The following LTBP1 variants were observed in gnomAD, a reference collection of about 807,000 sequenced individuals.
LTBP1 encodes latent-transforming growth factor beta-binding protein 1.
In LTBP1, 129 loss-of-function variants were observed where a neutral mutation model predicts 207.6. That is an observed-to-expected ratio of 0.62 (90% confidence interval 0.54 to 0.72). The LOEUF (loss-of-function observed/expected upper bound fraction) is 0.72. Ranked by LOEUF, LTBP1 falls within the 30% of genes least tolerant of loss-of-function variation. The pLI is 0.00. For synonymous variants in LTBP1, 963 were observed against 833.7 expected, an observed-to-expected ratio of 1.16 and a Z score of -2.67; for missense variants, 2,281 against 2,217.2, an observed-to-expected ratio of 1.03 and a Z score of -0.58.
At chr2:33,386,404 G>C (rs994449101) in intron 31 of LTBP1, among the ~76,000 whole-genome samples, 1 of 152,150 alleles carries the variant, frequency 6.6e-6, no homozygotes, top group Non-Finnish European at 1.5e-5. Context: ...TGGATTGAAG[G>C]TGGCTGCCCT....
intron 3 of LTBP1, among the ~76,000 whole-genome samples, chr2:33,058,321 G>A (rs2077106546): frequency 6.6e-6 from 1 of 152,052 alleles, no homozygotes; most frequent in South Asian, 2.1e-4. Context: ...TTGACTATAG[G>A]TTCTTAGAGG....
intron 26 of LTBP1, among the ~76,000 whole-genome samples, chr2:33,349,651 C>A (rs1272413233): frequency 6.6e-6 from 1 of 152,154 alleles, no homozygotes; most frequent in Non-Finnish European, 1.5e-5. Flanking sequence ...TAAATTTTTA[C>A]AGTTTTTCTC....
At chr2:33,132,965 G>C (rs943322695) in intron 4 of LTBP1, among the ~76,000 whole-genome samples, 1 of 152,184 alleles carries the variant, frequency 6.6e-6, no homozygotes, top group South Asian at 2.1e-4. Context: ...TGTGAGGCCA[G>C]ATTTCAGCTC....
chr2:33,391,748 T>C (rs1414282372), intron 32 of LTBP1, among the ~76,000 whole-genome samples: 2 of 152,234 alleles, frequency 1.3e-5, no homozygotes, highest in Non-Finnish European at 2.9e-5. Context: ...ATTTTCATGT[T>C]GAAATGTCTG....
chr2:33,160,915 T>A (rs1026161899), intron 5 of LTBP1, among the ~76,000 whole-genome samples: 3 of 152,184 alleles, frequency 2.0e-5, no homozygotes, highest in Non-Finnish European at 4.4e-5. Flanking sequence ...TAGGTGCTGC[T>A]GTCATGGTTG....
intron 32 of LTBP1, among the ~76,000 whole-genome samples, chr2:33,396,924 G>C (rs1009238947): frequency 6.6e-6 from 1 of 152,122 alleles, no homozygotes; most frequent in Non-Finnish European, 1.5e-5. Flanking sequence ...TCAAAATGAG[G>C]CTACTCTGCA....
At chr2:33,374,586 T>TG in intron 31 of LTBP1, among the ~76,000 whole-genome samples, 1 of 152,160 alleles carries the variant, frequency 6.6e-6, no homozygotes, top group East Asian at 1.9e-4. Context: ...GGGACTGAAC[T>TG]CTTGGTATCC....
At chr2:33,264,966 G>C (rs2093133578) in intron 15 of LTBP1, among the ~76,000 whole-genome samples, 1 of 152,166 alleles carries the variant, frequency 6.6e-6, no homozygotes. Flanking sequence ...TCCAGTCTGA[G>C]TCTGAGTCTG....
chr2:33,206,269 A>T (rs959859320), intron 7 of LTBP1, among the ~76,000 whole-genome samples: 2 of 152,216 alleles, frequency 1.3e-5, no homozygotes, highest in South Asian at 4.1e-4. Context: ...GGTAATTATT[A>T]GTTTTGAGTT....
chr2:33,384,747 T>C (rs1286497119), intron 31 of LTBP1, among the ~76,000 whole-genome samples: 1 of 152,224 alleles, frequency 6.6e-6, no homozygotes, highest in Non-Finnish European at 1.5e-5. Flanking sequence ...ATTCTTGGGC[T>C]CTGTACTCTC....
intron 4 of LTBP1, among the ~76,000 whole-genome samples, chr2:33,122,498 G>T (rs2081195083): frequency 1.3e-5 from 2 of 152,194 alleles, no homozygotes; most frequent in South Asian, 4.1e-4. Flanking sequence ...CTGTAAGGTG[G>T]CCTGGCAGAG....
At chr2:33,049,089 AG>A (rs1428609511) in intron 3 of LTBP1, among the ~76,000 whole-genome samples, 13 of 152,238 alleles carry the variant, frequency 8.5e-5, no homozygotes, top group Non-Finnish European at 1.8e-4. Flanking sequence ...GGTGCTACAC[AG>A]AGAGCACTTG....
chr2:33,063,997 G>T (rs919104347), intron 3 of LTBP1, among the ~76,000 whole-genome samples: 1 of 151,984 alleles, frequency 6.6e-6, no homozygotes, highest in Non-Finnish European at 1.5e-5. Flanking sequence ...GAGACTACAG[G>T]CACCCGCCAC....
At chr2:33,355,975 GTTTTA>G (rs2149940083) in intron 26 of LTBP1, among the ~76,000 whole-genome samples, 1 of 151,654 alleles carries the variant, frequency 6.6e-6, no homozygotes, top group East Asian at 1.9e-4. Flanking sequence ...GCTTTGGCAT[GTTTTA>G]CCATCTGAAG....
At chr2:33,278,738 A>G (rs2093497860) in intron 18 of LTBP1, among the ~76,000 whole-genome samples, 1 of 152,184 alleles carries the variant, frequency 6.6e-6, no homozygotes, top group Non-Finnish European at 1.5e-5. Context: ...TATCCCATCC[A>G]GAGGAGAATG....
chr2:33,293,071 T>TA, intron 19 of LTBP1, 89 bp from the exon 20 acceptor site: 2 of 1,353,722 alleles, frequency 1.5e-6, no homozygotes, highest in Non-Finnish European at 2.0e-6. Context: ...TCTGAAGGTC[T>TA]ACTGTTTCCA....
Position 33,229,184 on chromosome 2 carries a change from T to C in LTBP1, c.1876+7033T>C, listed in dbSNP as rs181657778. On this transcript the variant is annotated intron_variant, in intron 9 of 33. Transcript: ENST00000404816. ...TTTTATTTCATTAAAAAGTGATGGTTATCAGCCAGATGTAATGGCTCATGC... is the reference window on the plus strand; with the variant it reads ...TTTTATTTCATTAAAAAGTGATGGTCATCAGCCAGATGTAATGGCTCATGC... 2.5e-3 allele frequency among the ~76,000 whole-genome samples: 383 copies of C among 152,284 alleles called. 3 individuals carry two copies. The highest frequency in any genetic ancestry group is 2.1e-3 in the Non-Finnish European group (140 of 68,012).
chr2:33,389,419 A>C, intron 32 of LTBP1, 113 bp downstream of exon 32: 1 of 1,424,594 alleles, frequency 7.0e-7, no homozygotes, highest in Non-Finnish European at 9.6e-7. Context: ...GTCCCACCCC[A>C]GACCTGCTGG....
chr2:33,050,706 C>A (rs2076691579), intron 3 of LTBP1, among the ~76,000 whole-genome samples: 1 of 151,406 alleles, frequency 6.6e-6, no homozygotes, highest in African/African-American at 2.4e-5. Context: ...TCCATTCTGG[C>A]TTTATGATCC....
Sources: allele counts gnomAD v4.1 joint callset (sites outside exome capture counted in the v4.1 genomes callset), GRCh38; gene constraint gnomAD v4.1.1; transcripts MANE v1.5; gene names NCBI Gene and HGNC (gene_info 2026-07-23, HGNC 2026-07-21).